Variants in KLF7 observed in about 807,000 individuals in gnomAD.
KLF7 encodes KLF transcription factor 7, also known as Krueppel-like factor 7.
Under a neutral mutation model 27.3 loss-of-function variants are expected in KLF7, and 2 were observed. The ratio of observed to expected loss-of-function variants is 0.07; its 90% CI spans 0.03 to 0.23. KLF7 has a LOEUF of 0.23. Ranked by LOEUF, KLF7 falls within the 10% of genes least tolerant of loss-of-function variation. KLF7 has a pLI of 1.00. For synonymous variants in KLF7, 165 were observed against 162.4 expected (o/e 1.02, Z -0.12); for missense variants, 221 against 394.1 (o/e 0.56, Z 3.72).
chr2:207,101,636 TC>T (rs1201957855), intron 2 of KLF7, among the ~76,000 whole-genome samples: 1 of 152,146 alleles, frequency 6.6e-6, no homozygotes, highest in East Asian at 1.9e-4. Flanking sequence ...TGACAAACTA[TC>T]CCCTCAAGAG....
At chr2:207,163,745 T>C (rs996351182) in intron 1 of KLF7, among the ~76,000 whole-genome samples, 1 of 152,254 alleles carries the variant, frequency 6.6e-6, no homozygotes, top group African/African-American at 2.4e-5. Context: ...AATCAACAGA[T>C]TCCCTTCTCT....
upstream of KLF7, among the ~76,000 whole-genome samples, chr2:207,170,475 G>C (rs2078777359): frequency 3.3e-5 from 5 of 152,184 alleles, no homozygotes; most frequent in Admixed American, 3.3e-4. Context: ...TCATTGATAA[G>C]GGTAGATGAT....
At chr2:207,109,332 C>T (rs983064208) in intron 2 of KLF7, among the ~76,000 whole-genome samples, 6 of 152,094 alleles carry the variant, frequency 3.9e-5, no homozygotes, top group African/African-American at 1.4e-4. Context: ...AACAAATAGC[C>T]ATTTATTTTT....
intron 1 of KLF7, among the ~76,000 whole-genome samples, chr2:207,152,295 A>G (rs1210309553): frequency 4.5e-3 from 76 of 16,802 alleles, no homozygotes; most frequent in African/African-American, 5.5e-3. Flanking sequence ...ACACACACAC[A>G]CACACACACA....
Position 207,143,393 on chromosome 2 carries a change from A to G in KLF7, c.103-18989T>C, listed in dbSNP as rs574748428. 2.4e-3 allele frequency among the ~76,000 whole-genome samples: 315 copies of G among 133,248 alleles called. 2 individuals are homozygous for G. The highest frequency in any genetic ancestry group is 3.8e-3 in the Non-Finnish European group (237 of 62,348). 87.4% of individuals were successfully genotyped at this position (133,248 alleles called of 152,430 possible). The stretch of plus-strand genomic sequence containing the variant: ...GAGGAAGAGGAACAAAAGAAATGAC[A>G]TGAAAAAAAAAAATCCCTCCATTTA... On this transcript the variant is annotated intron_variant, in intron 1 of 3. Transcript: ENST00000309446.
chr2:207,080,645 A>T lies in KLF7; in HGVS notation c.*568T>A, dbSNP rs1425442060. The T allele has an allele frequency of 1.8e-5, 7 of 394,052 alleles. No individual in the cohort carries two copies. The East Asian group carries it at 2.5e-4, about 14-fold the overall frequency. The allele number at this position is 394,052 out of a possible 1,614,324, so 24.4% of individuals were successfully genotyped here. A position where few individuals can be genotyped will look rare whatever the true frequency, so the allele number is the denominator to read the frequency against. ...GACGCACGGAATAGTAGGACTTTTCACACACAAAGGACAAATAAACCAAGA... is the reference window on the plus strand; with the variant it reads ...GACGCACGGAATAGTAGGACTTTTCTCACACAAAGGACAAATAAACCAAGA... On this transcript the variant is annotated 3_prime_UTR_variant, in exon 4 of 4. Coordinates refer to ENST00000309446, the MANE Select transcript of KLF7 (RefSeq NM_003709.4).
chr2:207,093,909 T>G (rs1201709199), intron 2 of KLF7, among the ~76,000 whole-genome samples: 1 of 152,188 alleles, frequency 6.6e-6, no homozygotes, highest in Non-Finnish European at 1.5e-5. Context: ...TAAGTTTTCC[T>G]TTACCATTAA....
intron 1 of KLF7, among the ~76,000 whole-genome samples, chr2:207,145,127 A>G (rs10490477): frequency 0.034 from 5,220 of 152,348 alleles, 295 homozygotes; most frequent in African/African-American, 0.12. Flanking sequence ...ACTGATGACC[A>G]TAACTACCTG....
chr2:207,105,839 C>G (rs1309049755), intron 2 of KLF7, among the ~76,000 whole-genome samples: 2 of 152,176 alleles, frequency 1.3e-5, no homozygotes, highest in African/African-American at 4.8e-5. Flanking sequence ...ATCCAGTCTC[C>G]TAGACCCTAG....
rs1393540383 is a variant in KLF7 at position 207,123,728 on chromosome 2, C to T, written c.733+46G>A. Reference sequence around the variant, plus strand: ...GGAGCCCTCCCACATGACGAGGCTACAGGAGGGGAAAGAAGAAACCACGTG... The same window carrying T: ...GGAGCCCTCCCACATGACGAGGCTATAGGAGGGGAAAGAAGAAACCACGTG... On this transcript the variant is annotated intron_variant, in intron 2 of 3. Transcript: ENST00000309446. 3.8e-6 allele frequency: 6 copies of T among 1,569,800 alleles called. No individual in the cohort carries two copies. The South Asian group carries it at 4.8e-5, about 13-fold the overall frequency.
chr2:207,094,445 C>G (rs1218242901), intron 2 of KLF7, among the ~76,000 whole-genome samples: 1 of 152,108 alleles, frequency 6.6e-6, no homozygotes, highest in Non-Finnish European at 1.5e-5. Context: ...GGAAACTCTG[C>G]AGATCAGGAA....
chr2:207,146,172 A>G (rs1173859975), intron 1 of KLF7, among the ~76,000 whole-genome samples: 2 of 152,232 alleles, frequency 1.3e-5, no homozygotes, highest in Non-Finnish European at 2.9e-5. Flanking sequence ...AAAGCCCTCT[A>G]TGCAGCCAGG....
chr2:207,117,986 T>C (rs2077234413), intron 2 of KLF7, among the ~76,000 whole-genome samples: 1 of 152,128 alleles, frequency 6.6e-6, no homozygotes, highest in South Asian at 2.1e-4. Context: ...GGGCACTTAA[T>C]ACCTGTTCGC....
At chr2:207,166,380 GGCGGCCGGGCA>G (rs1448296776), upstream of KLF7, 1 of 169,318 alleles carries the variant, frequency 5.9e-6, no homozygotes, top group Non-Finnish European at 1.2e-5. Flanking sequence ...GCGGCCGCCC[GGCGGCCGGGCA>G]GCGCGAGCGC....
At position 207,080,167 on chromosome 2, in the gene KLF7, C is replaced by T. The variant is rs2076243398; in HGVS notation, c.*1046G>A. 3.3e-5 allele frequency: 5 copies of T among 152,192 alleles called. No individual in the cohort carries two copies. The highest frequency in any genetic ancestry group is 3.3e-4 in the Admixed American group (5 of 15,288). The allele number at this position is 152,192 out of a possible 1,614,324, so 9.4% of individuals were successfully genotyped here. A position where few individuals can be genotyped will look rare whatever the true frequency, so the allele number is the denominator to read the frequency against. On this transcript the variant is annotated 3_prime_UTR_variant, in exon 4 of 4. Coordinates refer to ENST00000309446, the MANE Select transcript of KLF7 (RefSeq NM_003709.4). ...AGGAGGATGAGAGAACTGTGATGTC[C>T]CATCTGACTGGCTGCTTCGAGAGCT...
intron 2 of KLF7, among the ~76,000 whole-genome samples, chr2:207,091,126 T>C (rs16839154): frequency 0.021 from 3,147 of 152,290 alleles, 133 homozygotes; most frequent in African/African-American, 0.072. Context: ...AACCACATTC[T>C]GAAGGACACA....
chr2:207,092,303 G>A (rs552904072), intron 2 of KLF7, among the ~76,000 whole-genome samples: 1 of 152,356 alleles, frequency 6.6e-6, no homozygotes, highest in Admixed American at 6.5e-5. Flanking sequence ...GGGCATGTGA[G>A]TGAAGGCAAG....
At chr2:207,122,113 G>T (rs1263912063) in intron 2 of KLF7, 2 of 152,190 alleles carry the variant, frequency 1.3e-5, no homozygotes, top group African/African-American at 4.8e-5. Flanking sequence ...TAGAAAGAAA[G>T]AAGTATCAAT....
At chr2:207,093,422 G>A (rs2076555742) in intron 2 of KLF7, among the ~76,000 whole-genome samples, 1 of 151,942 alleles carries the variant, frequency 6.6e-6, no homozygotes, top group Non-Finnish European at 1.5e-5. Context: ...CTCCCACCTC[G>A]AGGCCTTTGC....
Sources: allele counts gnomAD v4.1 joint callset (sites outside exome capture counted in the v4.1 genomes callset), GRCh38; gene constraint gnomAD v4.1.1; transcripts MANE v1.5; gene names NCBI Gene and HGNC (gene_info 2026-07-23, HGNC 2026-07-21).